MFSD8: variants seen among roughly 807,000 people sequenced by gnomAD.
MFSD8 encodes the protein major facilitator superfamily domain-containing protein 8.
Under a neutral mutation model 66.4 loss-of-function variants are expected in MFSD8, and 55 were observed. The observed-to-expected ratio is 0.83, with a 90% CI of 0.67 to 1.04. The LOEUF (loss-of-function observed/expected upper bound fraction) is 1.04, where lower values mean the gene tolerates loss of function less well. MFSD8 is among the 50% of genes least tolerant of loss of function. The pLI is 0.00. For synonymous variants in MFSD8, 202 were observed against 212.8 expected (o/e 0.95, Z 0.44); for missense variants, 550 against 627.6 (o/e 0.88, Z 1.32).
At chr4:127,962,670 C>T (rs1743994087) in intron 1 of MFSD8, among the ~76,000 whole-genome samples, 1 of 151,510 alleles carries the variant, frequency 6.6e-6, no homozygotes. Context: ...AGCAAGACCC[C>T]GTCTCAAAAA....
At chr4:127,942,003 TC>T in intron 5 of MFSD8, 41 bp downstream of exon 5, 2 of 1,480,868 alleles carry the variant, frequency 1.4e-6, no homozygotes, top group South Asian at 2.3e-5. Context: ...TCAAAAGTTT[TC>T]CCAATTCAAA....
At chr4:127,926,594 T>TGTA (rs1180482177) in intron 9 of MFSD8, among the ~76,000 whole-genome samples, 1 of 152,126 alleles carries the variant, frequency 6.6e-6, no homozygotes, top group African/African-American at 2.4e-5. Context: ...TCAGCAGCAC[T>TGTA]GCTCTACTTC....
At chr4:127,934,878 AAAT>A (rs1738791898) in intron 7 of MFSD8, among the ~76,000 whole-genome samples, 1 of 150,196 alleles carries the variant, frequency 6.7e-6, no homozygotes, top group African/African-American at 2.5e-5. Flanking sequence ...TTAATACATA[AAAT>A]ATTACAAAAA....
At chr4:127,963,868 G>C (rs554738343) in intron 1 of MFSD8, among the ~76,000 whole-genome samples, 1 of 152,260 alleles carries the variant, frequency 6.6e-6, no homozygotes, top group East Asian at 1.9e-4. Flanking sequence ...CGAGTAGTCT[G>C]TTTTGACAGG....
At position 127,933,136 on chromosome 4, in the gene MFSD8, A is replaced by G; in HGVS notation, c.755-43T>C. On this transcript the variant is annotated intron_variant, in intron 7 of 11. Coordinates refer to ENST00000641686, the MANE Select transcript of MFSD8 (RefSeq NM_001371596.2). ...AAAAATTACATTACCTATACATCTA[A>G]TTTTTCTTATGACATTAAAGTAATG... 2.7e-6 allele frequency: 4 copies of G among 1,461,446 alleles called. No homozygotes were observed. The South Asian group carries it at 3.5e-5, about 13-fold the overall frequency. 90.5% of individuals were successfully genotyped at this position (1,461,446 alleles called of 1,614,324 possible). A position where few individuals can be genotyped will look rare whatever the true frequency, so the allele number is the denominator to read the frequency against.
In MFSD8 at chr4:127,942,089, G is replaced by GCCATGGAACTTGTTCTTT; in HGVS notation, c.491_508dup (p.Glu164_Met169dup). ...TAATGCTTGACACATGCTTATGTTT[G>GCCATGGAACTTGTTCTTT]CCATGGAACTTGTTCTTTCCTGAAG... On this transcript the variant is annotated inframe_insertion, in exon 5 of 12. Transcript: ENST00000641686. 4 of 1,614,018 alleles carry GCCATGGAACTTGTTCTTT rather than the reference G, an allele frequency of 2.5e-6. No individual in the cohort carries two copies. The highest frequency in any genetic ancestry group is 3.4e-6 in the Non-Finnish European group (4 of 1,179,942).
intron 3 of MFSD8, among the ~76,000 whole-genome samples, chr4:127,948,785 G>A (rs1011440433): frequency 1.3e-5 from 2 of 152,148 alleles, no homozygotes; most frequent in Non-Finnish European, 2.9e-5. Context: ...CCTTCATCAT[G>A]TGATGCCCTA....
chr4:127,953,124 C>A (rs1742281827), intron 2 of MFSD8, among the ~76,000 whole-genome samples: 1 of 152,112 alleles, frequency 6.6e-6, no homozygotes, highest in Non-Finnish European at 1.5e-5. Flanking sequence ...GAGAAACTCT[C>A]TCCATGTTCG....
chr4:127,965,322 A>C, upstream of MFSD8: 1 of 695,202 alleles, frequency 1.4e-6, no homozygotes, highest in South Asian at 1.7e-5. Flanking sequence ...GGGCGAAAGG[A>C]GGCTGTGTCC....
intron 4 of MFSD8, 30 bp from the exon 5 acceptor site, chr4:127,942,188 A>C: frequency 6.6e-7 from 1 of 1,507,286 alleles, no homozygotes; most frequent in Non-Finnish European, 9.2e-7. Flanking sequence ...AATCCAAAGT[A>C]AAAGAAAGTA....
At chr4:127,960,254 C>A (rs550442706) in intron 1 of MFSD8, among the ~76,000 whole-genome samples, 2 of 152,190 alleles carry the variant, frequency 1.3e-5, no homozygotes, top group Non-Finnish European at 2.9e-5. Flanking sequence ...AACGGCCAGG[C>A]GCAGTGGCTC....
intron 1 of MFSD8, among the ~76,000 whole-genome samples, chr4:127,957,959 C>T (rs777811773): frequency 1.9e-4 from 29 of 152,100 alleles, no homozygotes; most frequent in Non-Finnish European, 4.0e-4. Flanking sequence ...CTAGATCCCC[C>T]GTAGCTACTA....
At chr4:127,964,294 C>G (rs528806925) in intron 1 of MFSD8, among the ~76,000 whole-genome samples, 1 of 152,360 alleles carries the variant, frequency 6.6e-6, no homozygotes, top group Admixed American at 6.5e-5. Context: ...GGGAGCGGCG[C>G]TCATCGGGGA....
chr4:127,933,382 G>A (rs1738496880), intron 7 of MFSD8: 1 of 276,634 alleles, frequency 3.6e-6, no homozygotes, highest in East Asian at 8.3e-5. Context: ...AGAAGCTGGG[G>A]CTACAGATGT....
intron 11 of MFSD8, 156 bp downstream of exon 11, chr4:127,921,368 C>A: frequency 8.0e-7 from 1 of 1,244,226 alleles, no homozygotes; most frequent in Non-Finnish European, 1.1e-6. Flanking sequence ...CAAGAATGAA[C>A]TTTATAGAAG....
At chr4:127,945,009 T>C (rs1015343814) in intron 3 of MFSD8, among the ~76,000 whole-genome samples, 12 of 152,104 alleles carry the variant, frequency 7.9e-5, no homozygotes, top group Non-Finnish European at 1.5e-4. Context: ...CTTTTTTTCA[T>C]ATGTGGTAGG....
At chr4:127,958,480 T>C (rs570566709) in intron 1 of MFSD8, among the ~76,000 whole-genome samples, 3 of 152,028 alleles carry the variant, frequency 2.0e-5, no homozygotes, top group South Asian at 4.1e-4. Flanking sequence ...AAACGTGATA[T>C]GGTTGGGAGT....
At chr4:127,956,486 C>T (rs1172122716) in intron 2 of MFSD8, among the ~76,000 whole-genome samples, 1 of 129,742 alleles carries the variant, frequency 7.7e-6, no homozygotes, top group Non-Finnish European at 1.6e-5. Flanking sequence ...GGCGACAGTG[C>T]GAAACTCCGT....
chr4:127,933,289 G>T (rs574096533), intron 7 of MFSD8, 196 bp from the exon 8 acceptor site: 1 of 479,384 alleles, frequency 2.1e-6, no homozygotes, highest in East Asian at 3.9e-5. Context: ...CTGTCACCCA[G>T]ACTAGAGTGC....
Sources: gnomAD v4.1 joint callset for allele counts (sites outside exome capture counted in the v4.1 genomes callset) on GRCh38, gnomAD v4.1.1 for gene constraint, MANE v1.5 for transcripts, NCBI Gene and HGNC (gene_info 2026-07-23, HGNC 2026-07-21) for gene names.